INPP5A: variants seen among roughly 807,000 people sequenced by gnomAD.
INPP5A encodes inositol polyphosphate-5-phosphatase A, also known as 43 kDa inositol polyphosphate 5-phophatase.
A neutral mutation model predicts 65.2 loss-of-function variants in INPP5A; 14 were observed. That is an observed-to-expected ratio of 0.21 (90% CI 0.14 to 0.34). INPP5A has a LOEUF of 0.34. Ranked by LOEUF, INPP5A falls within the 10% of genes least tolerant of loss-of-function variation. INPP5A has a pLI of 1.00. For synonymous variants in INPP5A, 207 were observed against 208.3 expected (o/e 0.99, Z 0.05); for missense variants, 431 against 545.6 (o/e 0.79, Z 2.09).
rs1433640476 is a variant in INPP5A, at chr10:132,603,468, C to T, written c.76-4447C>T. 1.3e-5 allele frequency among the ~76,000 whole-genome samples: 2 copies of T among 152,174 alleles called. No homozygotes were observed. Among genetic ancestry groups the T allele is most frequent in the Admixed American group, 1.3e-4 (2 of 15,264 alleles). ...GCAAGGAGGACAGGCTGTGCTTCAC[C>T]AGTTAAATTTAATCCTGCTCAAATT... On this transcript the variant is annotated intron_variant, in intron 1 of 15. Coordinates refer to ENST00000368594, the MANE Select transcript of INPP5A (RefSeq NM_005539.5). The surrounding 1 kb of genome is among the most constrained non-coding windows in gnomAD (Gnocchi z 4.2).
chr10:132,749,717 A>G lies in INPP5A; in HGVS notation c.829-54A>G, dbSNP rs1846438474. The G allele has an allele frequency of 7.5e-6, 12 of 1,598,508 alleles. No individual in the cohort carries two copies. The Admixed American group carries it at 1.8e-4, about 24-fold the overall frequency. The stretch of plus-strand genomic sequence containing the variant: ...TGCCCGGTTCGGTGGGGGCTAGGGG[A>G]CACGCACAAGGCTGGGGGAGCTCAG... On this transcript the variant is annotated intron_variant, in intron 10 of 15. Coordinates refer to ENST00000368594, the MANE Select transcript of INPP5A (RefSeq NM_005539.5).
rs978409725 is a variant in INPP5A at position 132,616,125 on chromosome 10, C to T, written c.117+8169C>T. 6.6e-6 allele frequency among the ~76,000 whole-genome samples: 1 copy of T among 152,180 alleles called. No homozygotes were observed. The highest frequency in any genetic ancestry group is 1.5e-5 in the Non-Finnish European group (1 of 68,012). On this transcript the variant is annotated intron_variant, in intron 2 of 15. Coordinates refer to ENST00000368594, the MANE Select transcript of INPP5A (RefSeq NM_005539.5). This position sits in a 1 kb window ranked among gnomAD's most constrained non-coding sequence, Gnocchi z 4.9. ...CGTGAGGATGCCCATGGCCAGTGGA[C>T]ATGCCTTCCTCCTGTCCTTGCAGCC...
chr10:132,645,365 C>T (rs934423631), intron 2 of INPP5A, among the ~76,000 whole-genome samples: 6 of 152,206 alleles, frequency 3.9e-5, no homozygotes, highest in Non-Finnish European at 2.9e-5. Context: ...CTCCTACACA[C>T]GTGAACACAC....
chr10:132,746,483 T>C (rs1341809269), intron 9 of INPP5A, among the ~76,000 whole-genome samples: 6 of 152,220 alleles, frequency 3.9e-5, no homozygotes, highest in Admixed American at 3.9e-4. Flanking sequence ...GACTGCGTTA[T>C]TTCCTTGCAC....
intron 8 of INPP5A, among the ~76,000 whole-genome samples, chr10:132,722,381 C>T (rs192353002): frequency 2.2e-3 from 331 of 152,288 alleles, no homozygotes; most frequent in Non-Finnish European, 3.9e-3. Flanking sequence ...CCACACTGCA[C>T]TAGCTCCTCC....
At chr10:132,626,671 G>A (rs115001367) in intron 2 of INPP5A, among the ~76,000 whole-genome samples, 179 of 152,332 alleles carry the variant, frequency 1.2e-3, no homozygotes, top group African/African-American at 4.1e-3. Context: ...TCTGGTGTTC[G>A]TTTTAGCCAG....
In INPP5A at chr10:132,651,893, G is replaced by C. The variant is rs981407711; in HGVS notation, c.306+1388G>C. Among the ~76,000 whole-genome samples the C allele has an allele frequency of 4.6e-5, 7 of 152,184 alleles. No individual in the cohort carries two copies. Among genetic ancestry groups the C allele is most frequent in the Non-Finnish European group, 7.3e-5 (5 of 68,030 alleles). ...TCTCCGACCCTCGCCCTGTCAAGCA[G>C]CTGCCCACACACAAGCGGCCTCTCC... On this transcript the variant is annotated intron_variant, in intron 4 of 15. Transcript: ENST00000368594. This position sits in a 1 kb window ranked among gnomAD's most constrained non-coding sequence, Gnocchi z 5.0.
rs567246989 is a variant in INPP5A at position 132,756,499 on chromosome 10, G to T, written c.903+6654G>T. 3.9e-5 allele frequency among the ~76,000 whole-genome samples: 6 copies of T among 152,334 alleles called. No homozygotes were observed. In the East Asian group the frequency reaches 1.2e-3, roughly 29 times the overall value. ...TGTGACTAAGGTTTGATAATCTGAC[G>T]ATAGGACTGAAAGCTTCCTCTCGCT... is the stretch of plus-strand genomic sequence containing the variant. On this transcript the variant is annotated intron_variant, in intron 11 of 15. Coordinates refer to ENST00000368594, the MANE Select transcript of INPP5A (RefSeq NM_005539.5).
rs1467207059 is a variant in INPP5A, at chr10:132,575,737, C to T, written c.76-32178C>T. ...CTCAGGACAGCCTTTCCCCGGTTCC[C>T]TGTGTCCCTCTGGCCGTGGGCTCCC... On this transcript the variant is annotated intron_variant, in intron 1 of 15. Transcript: ENST00000368594. The surrounding 1 kb of genome is among the most constrained non-coding windows in gnomAD (Gnocchi z 5.4). 2.0e-5 allele frequency among the ~76,000 whole-genome samples: 3 copies of T among 152,160 alleles called. No individual in the cohort carries two copies. Among genetic ancestry groups the T allele is most frequent in the African/African-American group, 7.2e-5 (3 of 41,450 alleles).
chr10:132,689,312 T>A (rs1259426714), intron 4 of INPP5A, among the ~76,000 whole-genome samples: 1 of 152,166 alleles, frequency 6.6e-6, no homozygotes, highest in Non-Finnish European at 1.5e-5. Context: ...AGGCAGCCCC[T>A]GCCCTCCGTC....
At position 132,763,723 on chromosome 10, in the gene INPP5A, GTGCCTGCATGCACACACA is replaced by G. The variant is rs1439477410; in HGVS notation, c.904-2040_904-2023del. Among the ~76,000 whole-genome samples, 20 of 150,448 alleles carry G rather than the reference GTGCCTGCATGCACACACA, an allele frequency of 1.3e-4. No homozygotes were observed. In the East Asian group the frequency reaches 3.3e-3, roughly 25 times the overall value. On this transcript the variant is annotated intron_variant, in intron 11 of 15. Coordinates refer to ENST00000368594, the MANE Select transcript of INPP5A (RefSeq NM_005539.5). Reference sequence around the variant, plus strand: ...CACATGCCTGTGTATGCATAAACATGTGCCTGCATGCACACACATGCCTGCATACAAACACACATGCCG... The same window carrying G: ...CACATGCCTGTGTATGCATAAACATGTGCCTGCATACAAACACACATGCCG...
At chr10:132,657,013 C>T (rs954802755) in intron 4 of INPP5A, among the ~76,000 whole-genome samples, 2 of 152,170 alleles carry the variant, frequency 1.3e-5, no homozygotes, top group African/African-American at 4.8e-5. Context: ...AGCCACAAGC[C>T]GAGGCGTTGA....
intron 1 of INPP5A, among the ~76,000 whole-genome samples, chr10:132,561,761 C>CACACACAA (rs1564916621): frequency 3.3e-5 from 5 of 150,376 alleles, no homozygotes; most frequent in African/African-American, 1.2e-4. Context: ...CACACACACA[C>CACACACAA]AACCCTGCTG....
At chr10:132,718,873 T>C (rs1845800205) in intron 8 of INPP5A, among the ~76,000 whole-genome samples, 1 of 149,808 alleles carries the variant, frequency 6.7e-6, no homozygotes, top group South Asian at 2.1e-4. Context: ...GTCTTCAGGG[T>C]TCTGTGGTGC....
At chr10:132,742,926 G>A (rs1033977517) in intron 9 of INPP5A, among the ~76,000 whole-genome samples, 3 of 152,144 alleles carry the variant, frequency 2.0e-5, no homozygotes, top group African/African-American at 7.2e-5. Context: ...ATGTTCCTAC[G>A]AACATCTGTT....
intron 1 of INPP5A, among the ~76,000 whole-genome samples, chr10:132,573,253 A>G (rs80270716): frequency 4.4e-3 from 144 of 33,052 alleles, no homozygotes; most frequent in Admixed American, 8.5e-3. Flanking sequence ...GTTGATGTTG[A>G]GGTGTGTGTG....
rs539282057 is a variant in INPP5A, at chr10:132,730,194, G to A, written c.732+3289G>A. ...CTGCCCTGTCCTCAGCCCCTGCGGG[G>A]CCCTCCCCACCACCTCCTGGTCTTC... On this transcript the variant is annotated intron_variant, in intron 9 of 15. Transcript: ENST00000368594. 3.8e-3 allele frequency among the ~76,000 whole-genome samples: 572 copies of A among 152,312 alleles called. 2 individuals are homozygous for A. The highest frequency in any genetic ancestry group is 0.012 in the African/African-American group (487 of 41,566).
chr10:132,660,370 A>G (rs758853618), intron 4 of INPP5A, among the ~76,000 whole-genome samples: 9 of 152,248 alleles, frequency 5.9e-5, no homozygotes, highest in Non-Finnish European at 1.2e-4. Context: ...ACTGAAGTGG[A>G]CAGGAGCTAC....
chr10:132,740,086 GTC>G (rs1159269233), intron 9 of INPP5A, among the ~76,000 whole-genome samples: 1 of 152,178 alleles, frequency 6.6e-6, no homozygotes, highest in Non-Finnish European at 1.5e-5. Flanking sequence ...CCACGGCAAT[GTC>G]TAAGATCTGC....
Sources: gnomAD v4.1 joint callset for allele counts (sites outside exome capture counted in the v4.1 genomes callset) on GRCh38, gnomAD v4.1.1 for gene constraint, Gnocchi (gnomAD v3.1) non-coding constraint, MANE v1.5 for transcripts, NCBI Gene and HGNC (gene_info 2026-07-23, HGNC 2026-07-21) for gene names.